The following ZFAND6 variants were observed in gnomAD, a reference collection of about 807,000 sequenced individuals.
The protein encoded by ZFAND6 is AN1-type zinc finger protein 6.
Under a neutral mutation model 24.5 loss-of-function variants are expected in ZFAND6, and 12 were observed. That is an observed-to-expected ratio of 0.49 (90% confidence interval 0.31 to 0.79). The LOEUF (loss-of-function observed/expected upper bound fraction) is 0.79. Ranked by LOEUF, ZFAND6 falls within the 30% of genes least tolerant of loss-of-function variation. ZFAND6 has a pLI of 0.04. For missense variants in ZFAND6, 207 were observed against 245.9 expected, an observed-to-expected ratio of 0.84 and a Z score of 1.06; for synonymous variants, 92 against 81.5, an observed-to-expected ratio of 1.13 and a Z score of -0.69.
chr15:80,123,854 G>A (rs2040253299), intron 5 of ZFAND6, among the ~76,000 whole-genome samples: 1 of 151,824 alleles, frequency 6.6e-6, no homozygotes, highest in Non-Finnish European at 1.5e-5. Context: ...GCCTGGGTGG[G>A]CACCAGAGCA....
chr15:80,109,426 T>G (rs561752209), intron 2 of ZFAND6, among the ~76,000 whole-genome samples: 27 of 152,168 alleles, frequency 1.8e-4, no homozygotes, highest in Non-Finnish European at 3.8e-4. Context: ...AGGGAATTCC[T>G]CCTTGAAAAA....
intron 6 of ZFAND6, among the ~76,000 whole-genome samples, chr15:80,135,513 A>G (rs927478331): frequency 5.3e-5 from 8 of 152,278 alleles, no homozygotes; most frequent in Admixed American, 3.9e-4. Flanking sequence ...TGTGCTGAAC[A>G]CTGCATAAAA....
intron 2 of ZFAND6, among the ~76,000 whole-genome samples, chr15:80,116,270 A>G (rs1276501611): frequency 1.3e-5 from 2 of 152,186 alleles, no homozygotes; most frequent in South Asian, 4.1e-4. Flanking sequence ...CAAACTGTCT[A>G]TACTGAGAGT....
rs564443072 is a variant in ZFAND6, at chr15:80,066,612, C to T, written c.-181+6803C>T. Among the ~76,000 whole-genome samples, 5 of 152,176 alleles carry T rather than the reference C, an allele frequency of 3.3e-5. No individual in the cohort carries two copies. The South Asian group carries it at 1.0e-3, about 32-fold the overall frequency. On this transcript the variant is annotated intron_variant, in intron 1 of 6. Transcript: ENST00000261749. ...ACAGGCGTGAGCCACCACGCCCAGC[C>T]GAAATGACTAAGTTTTTTTGGGAAA...
chr15:80,131,072 C>T, intron 5 of ZFAND6, 108 bp from the exon 6 acceptor site: 2 of 783,310 alleles, frequency 2.6e-6, no homozygotes, highest in Non-Finnish European at 3.9e-6. Flanking sequence ...GTTTTCTGTG[C>T]TAATAAATTC....
chr15:80,082,051 AT>A (rs1432262716), intron 1 of ZFAND6, among the ~76,000 whole-genome samples: 3 of 152,364 alleles, frequency 2.0e-5, no homozygotes, highest in Admixed American at 6.5e-5. Flanking sequence ...GGAGTAATAG[AT>A]TCTGGATATG....
intron 1 of ZFAND6, among the ~76,000 whole-genome samples, chr15:80,098,131 A>AT (rs777522151): frequency 1.2e-4 from 18 of 152,228 alleles, no homozygotes; most frequent in Non-Finnish European, 2.5e-4. Context: ...GACTTAAGGA[A>AT]AACAGAAAAA....
Position 80,087,886 on chromosome 15 carries a change from A to G in ZFAND6, c.-180-10530A>G, listed in dbSNP as rs139969356. On this transcript the variant is annotated intron_variant, in intron 1 of 6. Transcript: ENST00000261749. ...ATGCATATATAAAAATTAAATTAGT[A>G]TGCACATACTATATATGCATTGTAT... 9.2e-3 allele frequency among the ~76,000 whole-genome samples: 1,395 copies of G among 152,288 alleles called. 26 individuals carry two copies. The highest frequency in any genetic ancestry group is 0.032 in the African/African-American group (1,324 of 41,556).
intron 5 of ZFAND6, among the ~76,000 whole-genome samples, chr15:80,126,427 A>G (rs2040372263): frequency 6.6e-6 from 1 of 152,212 alleles, no homozygotes; most frequent in Admixed American, 6.5e-5. Context: ...TTGTACCGGC[A>G]TGAGGATAGT....
chr15:80,104,050 G>A (rs921388362), intron 2 of ZFAND6, among the ~76,000 whole-genome samples: 1 of 152,096 alleles, frequency 6.6e-6, no homozygotes, highest in Non-Finnish European at 1.5e-5. Context: ...GGATCTCACT[G>A]TGTTGTCCAG....
chr15:80,128,993 T>C (rs1318379151), intron 5 of ZFAND6, among the ~76,000 whole-genome samples: 1 of 152,208 alleles, frequency 6.6e-6, no homozygotes, highest in Non-Finnish European at 1.5e-5. Flanking sequence ...ATTAAATGGG[T>C]TTTTTTGAAT....
chr15:80,062,967 A>G (rs2036414020), intron 1 of ZFAND6, among the ~76,000 whole-genome samples: 1 of 152,234 alleles, frequency 6.6e-6, no homozygotes, highest in African/African-American at 2.4e-5. Flanking sequence ...TAAGATGATA[A>G]TAGAAGTCAT....
intron 1 of ZFAND6, among the ~76,000 whole-genome samples, chr15:80,094,972 C>T (rs1252605819): frequency 6.6e-6 from 1 of 152,158 alleles, no homozygotes; most frequent in Non-Finnish European, 1.5e-5. Flanking sequence ...GGGGTTTCAC[C>T]ATGTTGGCCA....
At chr15:80,119,679 T>C (rs944842590) in intron 2 of ZFAND6, among the ~76,000 whole-genome samples, 2 of 152,232 alleles carry the variant, frequency 1.3e-5, no homozygotes, top group Admixed American at 1.3e-4. Flanking sequence ...ATTATTCTTT[T>C]TCTGATTATA....
chr15:80,068,329 A>G (rs1567048663), intron 1 of ZFAND6, among the ~76,000 whole-genome samples: 1 of 149,364 alleles, frequency 6.7e-6, no homozygotes, highest in South Asian at 2.1e-4. Flanking sequence ...AAAATTTTTA[A>G]AATTTTTTGT....
At chr15:80,072,831 T>C (rs2037054945) in intron 1 of ZFAND6, among the ~76,000 whole-genome samples, 1 of 152,038 alleles carries the variant, frequency 6.6e-6, no homozygotes, top group African/African-American at 2.4e-5. Flanking sequence ...AGAATCAAAC[T>C]TGACTTTCTC....
rs560469415 is a variant in ZFAND6 at position 80,074,753 on chromosome 15, T to C, written c.-181+14944T>C. Among the ~76,000 whole-genome samples the C allele has an allele frequency of 5.3e-5, 8 of 152,122 alleles. 1 individual carries two copies. Among genetic ancestry groups the C allele is most frequent in the African/African-American group, 1.9e-4 (8 of 41,570 alleles). ...TCTTTAAGAGCATGCTTTGTTGGCA[T>C]TGACCACAAATTATGTATACTTTTA... On this transcript the variant is annotated intron_variant, in intron 1 of 6. Coordinates refer to ENST00000261749, the MANE Select transcript of ZFAND6 (RefSeq NM_019006.4).
At chr15:80,097,981 T>G (rs2038829524) in intron 1 of ZFAND6, among the ~76,000 whole-genome samples, 3 of 152,148 alleles carry the variant, frequency 2.0e-5, no homozygotes, top group Admixed American at 2.0e-4. Flanking sequence ...GCAACATGGC[T>G]CCTCCTGCTG....
intron 2 of ZFAND6, among the ~76,000 whole-genome samples, chr15:80,107,968 T>G (rs951028374): frequency 1.4e-4 from 22 of 152,176 alleles, no homozygotes. Flanking sequence ...GAGTGTGGAC[T>G]CCAGCCAACT....
Sources: allele counts gnomAD v4.1 joint callset (sites outside exome capture counted in the v4.1 genomes callset), GRCh38; gene constraint gnomAD v4.1.1; transcripts MANE v1.5; gene names NCBI Gene and HGNC (gene_info 2026-07-23, HGNC 2026-07-21).